The following SAMD12 variants were observed in gnomAD, a reference collection of about 807,000 sequenced individuals.
SAMD12 encodes sterile alpha motif domain containing 12.
Under a neutral mutation model 15.0 loss-of-function variants are expected in SAMD12, and 9 were observed. The ratio of observed to expected loss-of-function variants is 0.60; its 90% CI spans 0.36 to 1.05. The LOEUF is 1.05. Among genes scored for constraint, SAMD12 ranks in the 50% least tolerant of loss-of-function variants. The pLI, the probability that SAMD12 is intolerant of heterozygous loss-of-function variation, is 0.01. For missense variants in SAMD12, 230 were observed against 234.2 expected, an observed-to-expected ratio of 0.98 and a Z score of 0.12; for synonymous variants, 86 against 90.1, an observed-to-expected ratio of 0.96 and a Z score of 0.25.
intron 2 of SAMD12, among the ~76,000 whole-genome samples, chr8:118,480,058 G>A (rs548938893): frequency 2.0e-5 from 3 of 152,286 alleles, no homozygotes; most frequent in East Asian, 1.9e-4. Flanking sequence ...TTAGGCATGC[G>A]CTTTTGGAAA....
At chr8:118,548,703 G>T (rs549014550) in intron 2 of SAMD12, among the ~76,000 whole-genome samples, 14 of 152,324 alleles carry the variant, frequency 9.2e-5, no homozygotes, top group Admixed American at 2.6e-4. Context: ...CGCACCGTGC[G>T]CGAGCCGAAG....
intron 2 of SAMD12, among the ~76,000 whole-genome samples, chr8:118,550,282 G>C (rs1826282828): frequency 6.6e-6 from 1 of 152,198 alleles, no homozygotes; most frequent in African/African-American, 2.4e-5. Context: ...CAGAGAGCAA[G>C]GTCGGGTTAC....
intron 2 of SAMD12, among the ~76,000 whole-genome samples, chr8:118,522,212 ACACG>A (rs34861049): frequency 0.024 from 1,436 of 60,218 alleles, 10 homozygotes; most frequent in Middle Eastern, 0.029. Flanking sequence ...ACACACACAC[ACACG>A]ATAAAAAGAG....
At chr8:118,236,838 G>A (rs1396190506) in intron 4 of SAMD12, among the ~76,000 whole-genome samples, 1 of 152,172 alleles carries the variant, frequency 6.6e-6, no homozygotes, top group Non-Finnish European at 1.5e-5. Context: ...TCGCAGCACG[G>A]CACTATTAAG....
At chr8:118,610,563 C>T (rs180847832) in intron 1 of SAMD12, among the ~76,000 whole-genome samples, 16 of 152,258 alleles carry the variant, frequency 1.1e-4, no homozygotes, top group African/African-American at 2.9e-4. Flanking sequence ...CACTGCATTA[C>T]GAAATCTAAG....
chr8:118,266,845 G>A (rs968295399), intron 4 of SAMD12, among the ~76,000 whole-genome samples: 4 of 152,076 alleles, frequency 2.6e-5, no homozygotes, highest in African/African-American at 4.8e-5. Flanking sequence ...GGGTGGAGGG[G>A]TTGAGGAGAT....
chr8:118,616,383 G>A (rs188715643), intron 1 of SAMD12, among the ~76,000 whole-genome samples: 186 of 152,284 alleles, frequency 1.2e-3, no homozygotes, highest in Admixed American at 2.4e-3. Context: ...AGTCCTTGCC[G>A]TAGAAAGTAC....
intron 2 of SAMD12, among the ~76,000 whole-genome samples, chr8:118,529,310 C>T (rs28574967): frequency 0.37 from 55,787 of 152,070 alleles, 10,747 homozygotes; most frequent in Admixed American, 0.44. Flanking sequence ...CTGGCCAGCA[C>T]CAGAAATGAC....
chr8:118,385,070 A>C (rs565163047), intron 3 of SAMD12, among the ~76,000 whole-genome samples: 7 of 152,282 alleles, frequency 4.6e-5, no homozygotes, highest in African/African-American at 1.7e-4. Context: ...GCTTGAGCAT[A>C]CATAGAAAAA....
intron 4 of SAMD12, among the ~76,000 whole-genome samples, chr8:118,262,032 G>T (rs1813090266): frequency 6.6e-6 from 1 of 151,922 alleles, no homozygotes; most frequent in Non-Finnish European, 1.5e-5. Context: ...GCAACAACAT[G>T]AACAAATCTG....
downstream of SAMD12, among the ~76,000 whole-genome samples, chr8:118,187,704 T>C (rs10505330): frequency 9.6e-3 from 1,461 of 152,274 alleles, 50 homozygotes; most frequent in Admixed American, 0.059. Flanking sequence ...CAAAGTGATA[T>C]ATAGGAGAAT....
chr8:118,254,791 C>T (rs937267264), intron 4 of SAMD12, among the ~76,000 whole-genome samples: 1 of 152,024 alleles, frequency 6.6e-6, no homozygotes, highest in Admixed American at 6.6e-5. Flanking sequence ...TTCCATCTTT[C>T]TCTGGGCCCT....
At chr8:118,345,415 G>A (rs374533568) in intron 4 of SAMD12, among the ~76,000 whole-genome samples, 36 of 152,210 alleles carry the variant, frequency 2.4e-4, no homozygotes, top group Non-Finnish European at 3.7e-4. Flanking sequence ...AAAGTGATAC[G>A]CGCTAAGGTA....
At chr8:118,479,603 G>A (rs1336622300) in intron 2 of SAMD12, among the ~76,000 whole-genome samples, 2 of 152,106 alleles carry the variant, frequency 1.3e-5, no homozygotes, top group African/African-American at 4.8e-5. Context: ...TGAGATTTGG[G>A]TGGGGACACA....
intron 4 of SAMD12, among the ~76,000 whole-genome samples, chr8:118,325,012 A>G (rs185537526): frequency 1.1e-4 from 16 of 152,308 alleles, no homozygotes; most frequent in East Asian, 9.7e-4. Context: ...CTCTTGTTGC[A>G]AAGGAAGAGC....
At chr8:118,410,979 C>T (rs984238957) in intron 3 of SAMD12, among the ~76,000 whole-genome samples, 13 of 152,044 alleles carry the variant, frequency 8.6e-5, no homozygotes, top group Non-Finnish European at 5.9e-5. Flanking sequence ...AGGAATCTTT[C>T]AGTGAGAAAA....
chr8:118,454,770 C>T (rs1041657049), intron 2 of SAMD12, among the ~76,000 whole-genome samples: 4 of 152,128 alleles, frequency 2.6e-5, no homozygotes, highest in African/African-American at 9.7e-5. Flanking sequence ...GGACTCTGCA[C>T]CCATTAAACA....
chr8:118,506,320 G>A (rs562902169), intron 2 of SAMD12, among the ~76,000 whole-genome samples: 1 of 152,198 alleles, frequency 6.6e-6, no homozygotes, highest in African/African-American at 2.4e-5. Context: ...TCCTATGCTT[G>A]AGTACTTAAG....
chr8:118,296,128 T>G (rs1814698369), intron 4 of SAMD12, among the ~76,000 whole-genome samples: 2 of 152,184 alleles, frequency 1.3e-5, no homozygotes, highest in South Asian at 4.1e-4. Flanking sequence ...AGGTTTGACA[T>G]TCACAATAAA....
Sources: gnomAD v4.1 joint callset for allele counts (sites outside exome capture counted in the v4.1 genomes callset) on GRCh38, gnomAD v4.1.1 for gene constraint, MANE v1.5 for transcripts, NCBI Gene and HGNC (gene_info 2026-07-23, HGNC 2026-07-21) for gene names.